The following HYCC1 variants were observed in gnomAD, a reference collection of about 807,000 sequenced individuals.
HYCC1 encodes the protein hyccin PI4KA lipid kinase complex subunit 1.
the HYCC1 span, among the ~76,000 whole-genome samples, chr7:22,932,200 C>T: frequency 6.6e-6 from 1 of 152,110 alleles, no homozygotes; most frequent in African/African-American, 2.4e-5. Flanking sequence ...ATGGCTTGAA[C>T]GCCCATGAGC....
the HYCC1 span, chr7:22,945,147 T>C: frequency 4.7e-6 from 1 of 210,616 alleles, no homozygotes; most frequent in East Asian, 1.3e-4. Context: ...CCATTCTCTA[T>C]AAAACAGTTC....
chr7:22,949,623 G>C, the HYCC1 span, among the ~76,000 whole-genome samples: 1 of 151,942 alleles, frequency 6.6e-6, no homozygotes, highest in Non-Finnish European at 1.5e-5. Context: ...AGATGCCAAT[G>C]AAAGCTGTTA....
At chr7:22,918,580 C>T in the HYCC1 span, among the ~76,000 whole-genome samples, 55 of 152,106 alleles carry the variant, frequency 3.6e-4, no homozygotes, top group Non-Finnish European at 6.5e-4. Context: ...CAAGCCTGCA[C>T]GTATACATCC....
chr7:22,960,145 C>G, the HYCC1 span: 1 of 1,198,106 alleles, frequency 8.3e-7, no homozygotes, highest in Non-Finnish European at 1.2e-6. Context: ...CTCCACAGCT[C>G]TTTCTTCCAG....
chr7:22,946,921 C>A, the HYCC1 span: 1 of 1,520,580 alleles, frequency 6.6e-7, no homozygotes, highest in Non-Finnish European at 8.8e-7. Flanking sequence ...TGCTGCTTAA[C>A]ATGCATCAGT....
At chr7:22,925,233 A>G in the HYCC1 span, among the ~76,000 whole-genome samples, 3 of 152,228 alleles carry the variant, frequency 2.0e-5, no homozygotes, top group Non-Finnish European at 4.4e-5. Flanking sequence ...AGATGGGGAA[A>G]AAACAGAGCA....
the HYCC1 span, chr7:22,945,159 C>A: frequency 4.6e-6 from 1 of 219,034 alleles, no homozygotes; most frequent in Non-Finnish European, 9.1e-6. Context: ...AAACAGTTCC[C>A]ATACATGCAG....
the HYCC1 span, among the ~76,000 whole-genome samples, chr7:22,951,763 T>C: frequency 6.6e-6 from 1 of 151,908 alleles, no homozygotes; most frequent in South Asian, 2.1e-4. Context: ...CAATGTGATA[T>C]CATGTAGCCA....
chr7:22,989,325 A>AC, the HYCC1 span, among the ~76,000 whole-genome samples: 2 of 135,582 alleles, frequency 1.5e-5, no homozygotes, highest in Non-Finnish European at 3.2e-5. Context: ...CACACACACA[A>AC]GATTTAATCA....
At chr7:23,001,189 ACTATGC>A in the HYCC1 span, among the ~76,000 whole-genome samples, 2 of 152,162 alleles carry the variant, frequency 1.3e-5, no homozygotes, top group South Asian at 4.1e-4. Flanking sequence ...TGTTTCTGGC[ACTATGC>A]TAAGCGATTT....
At chr7:22,969,140 C>G in the HYCC1 span, among the ~76,000 whole-genome samples, 1 of 152,112 alleles carries the variant, frequency 6.6e-6, no homozygotes, top group African/African-American at 2.4e-5. Flanking sequence ...ATATCTGAGT[C>G]TCTGGATCCA....
the HYCC1 span, among the ~76,000 whole-genome samples, chr7:22,911,277 A>T: frequency 6.6e-6 from 1 of 152,100 alleles, no homozygotes; most frequent in Non-Finnish European, 1.5e-5. Flanking sequence ...GTTTTGGCTC[A>T]TTTGTTTATT....
the HYCC1 span, among the ~76,000 whole-genome samples, chr7:23,010,872 T>C: frequency 1.3e-5 from 2 of 152,206 alleles, no homozygotes; most frequent in Non-Finnish European, 2.9e-5. Flanking sequence ...CCCTTCTTTA[T>C]TTCAGTTCTC....
At chr7:23,000,920 GTT>G in the HYCC1 span, among the ~76,000 whole-genome samples, 547 of 148,362 alleles carry the variant, frequency 3.7e-3, 3 homozygotes, top group East Asian at 0.014. Context: ...AGTTAAAGAA[GTT>G]TTTTTTTTTT....
chr7:22,959,156 T>A, the HYCC1 span, among the ~76,000 whole-genome samples: 1 of 152,188 alleles, frequency 6.6e-6, no homozygotes, highest in Non-Finnish European at 1.5e-5. Context: ...CCGCCTCTTT[T>A]ATACTTTCCT....
the HYCC1 span, among the ~76,000 whole-genome samples, chr7:22,908,346 G>A: frequency 3.3e-5 from 5 of 152,148 alleles, no homozygotes; most frequent in African/African-American, 1.2e-4. Flanking sequence ...GCTTGCTTTG[G>A]TTACATTTTC....
At chr7:22,988,752 T>C in the HYCC1 span, among the ~76,000 whole-genome samples, 1 of 152,200 alleles carries the variant, frequency 6.6e-6, no homozygotes, top group East Asian at 1.9e-4. Flanking sequence ...TTCAGACAGA[T>C]AGAAATCTAA....
At chr7:22,910,518 C>T in the HYCC1 span, among the ~76,000 whole-genome samples, 2 of 152,198 alleles carry the variant, frequency 1.3e-5, no homozygotes, top group Admixed American at 1.3e-4. Context: ...CAGACTAATA[C>T]ATACCTATTT....
chr7:22,987,156 G>T, the HYCC1 span, among the ~76,000 whole-genome samples: 1 of 152,130 alleles, frequency 6.6e-6, no homozygotes, highest in South Asian at 2.1e-4. Context: ...CAATCTGAAA[G>T]ATAATATTTT....
Sources: allele counts gnomAD v4.1 joint callset (sites outside exome capture counted in the v4.1 genomes callset), GRCh38; gene constraint gnomAD v4.1.1; transcripts MANE v1.5; gene names NCBI Gene and HGNC (gene_info 2026-07-23, HGNC 2026-07-21).